The following CTNNA2 variants were observed in gnomAD, a reference collection of about 807,000 sequenced individuals.
CTNNA2 encodes catenin alpha 2, also known as catenin alpha-2.
A neutral mutation model predicts 101.0 loss-of-function variants in CTNNA2; 42 were observed. The ratio of observed to expected loss-of-function variants is 0.42; its 90% CI spans 0.32 to 0.54. CTNNA2 has a LOEUF of 0.54. Among genes scored for constraint, CTNNA2 ranks in the 20% least tolerant of loss-of-function variants. The probability of loss-of-function intolerance (pLI) is 0.14; values close to 1 mark genes in which losing one functional copy is unlikely to be tolerated. For missense variants in CTNNA2, 871 were observed against 1,223.1 expected, an observed-to-expected ratio of 0.71 and a Z score of 4.29; for synonymous variants, 450 against 456.4, an observed-to-expected ratio of 0.99 and a Z score of 0.18.
At chr2:80,149,028 T>C (rs867027443) in intron 7 of CTNNA2, among the ~76,000 whole-genome samples, 1,513 of 149,638 alleles carry the variant, frequency 0.01, 38 homozygotes, top group African/African-American at 0.034. Context: ...TTGTTATTTT[T>C]TTTTTTTTTT....
intron 2 of CTNNA2, among the ~76,000 whole-genome samples, chr2:79,274,578 A>T (rs893604004): frequency 6.6e-6 from 1 of 152,054 alleles, no homozygotes; most frequent in Non-Finnish European, 1.5e-5. Context: ...TCATTCAAGT[A>T]TTTTTTGAAA....
chr2:80,017,516 A>C (rs932950117), intron 7 of CTNNA2, among the ~76,000 whole-genome samples: 1 of 151,934 alleles, frequency 6.6e-6, no homozygotes. Context: ...ATATGTATAT[A>C]TGTAAATTTA....
At chr2:79,203,762 TG>T (rs1674066974) in intron 2 of CTNNA2, among the ~76,000 whole-genome samples, 1 of 152,254 alleles carries the variant, frequency 6.6e-6, no homozygotes, top group South Asian at 2.1e-4. Context: ...ATTATACTTT[TG>T]CCTTCATTAA....
chr2:79,984,498 C>T (rs1691623230), intron 7 of CTNNA2, among the ~76,000 whole-genome samples: 1 of 152,206 alleles, frequency 6.6e-6, no homozygotes, highest in Non-Finnish European at 1.5e-5. Context: ...TCATCTCCTA[C>T]ATCCTGTCAA....
At chr2:80,043,203 TCTC>T (rs1283225354) in intron 7 of CTNNA2, among the ~76,000 whole-genome samples, 1 of 102,106 alleles carries the variant, frequency 9.8e-6, no homozygotes, top group Non-Finnish European at 2.0e-5. Context: ...TCTTTCTCTC[TCTC>T]TTTTTTTTTT....
At chr2:79,971,374 A>G (rs489864) in intron 7 of CTNNA2, among the ~76,000 whole-genome samples, 132,404 of 152,096 alleles carry the variant, frequency 0.87, 58,145 homozygotes, top group Non-Finnish European at 0.93. Context: ...TTTCATATAT[A>G]CATCTCATTT....
intron 7 of CTNNA2, among the ~76,000 whole-genome samples, chr2:80,263,547 G>C (rs1672775360): frequency 6.6e-6 from 1 of 152,132 alleles, no homozygotes; most frequent in African/African-American, 2.4e-5. Flanking sequence ...TGTTGGCCCA[G>C]CTGTTGTCGA....
chr2:79,947,111 C>T (rs761772969), intron 7 of CTNNA2, among the ~76,000 whole-genome samples: 2 of 152,130 alleles, frequency 1.3e-5, no homozygotes, highest in African/African-American at 2.4e-5. Context: ...CACTTTAAAT[C>T]CTACATAAGA....
chr2:79,366,110 G>C (rs150747786), intron 3 of CTNNA2, among the ~76,000 whole-genome samples: 579 of 152,292 alleles, frequency 3.8e-3, no homozygotes, highest in African/African-American at 0.013. Flanking sequence ...AAAGGCAAGA[G>C]ATCACACACA....
At chr2:79,662,259 A>G (rs1682088092) in intron 2 of CTNNA2, among the ~76,000 whole-genome samples, 1 of 152,094 alleles carries the variant, frequency 6.6e-6, no homozygotes, top group Admixed American at 6.5e-5. Flanking sequence ...GCATATGAAT[A>G]TGCACTCTTC....
intron 4 of CTNNA2, among the ~76,000 whole-genome samples, chr2:79,394,346 T>C (rs1308178412): frequency 2.0e-5 from 3 of 152,174 alleles, no homozygotes; most frequent in African/African-American, 7.2e-5. Context: ...CTGTGAACTT[T>C]TGTGGACTAG....
intron 3 of CTNNA2, among the ~76,000 whole-genome samples, chr2:79,838,539 T>C (rs1400987488): frequency 6.6e-6 from 1 of 152,158 alleles, no homozygotes; most frequent in African/African-American, 2.4e-5. Flanking sequence ...GGTTTTGATC[T>C]AACATAAGAA....
At chr2:79,690,398 G>A (rs1214087103) in intron 2 of CTNNA2, among the ~76,000 whole-genome samples, 3 of 151,976 alleles carry the variant, frequency 2.0e-5, no homozygotes, top group Non-Finnish European at 2.9e-5. Flanking sequence ...ACCTTAGAAT[G>A]TGTCACCAGT....
At chr2:79,338,795 G>A (rs892265965) in intron 3 of CTNNA2, among the ~76,000 whole-genome samples, 1 of 151,958 alleles carries the variant, frequency 6.6e-6, no homozygotes, top group Non-Finnish European at 1.5e-5. Flanking sequence ...AAAATATCTG[G>A]GAGTGGTAAA....
intron 7 of CTNNA2, among the ~76,000 whole-genome samples, chr2:79,926,609 T>C (rs1471784151): frequency 1.3e-5 from 2 of 151,976 alleles, no homozygotes; most frequent in African/African-American, 2.4e-5. Flanking sequence ...ATTAATGAAC[T>C]TGAGGATAAG....
At chr2:80,216,075 A>C (rs980564640) in intron 7 of CTNNA2, among the ~76,000 whole-genome samples, 2 of 152,194 alleles carry the variant, frequency 1.3e-5, no homozygotes, top group African/African-American at 4.8e-5. Flanking sequence ...CATGGGATAT[A>C]ATCTCCTGGT....
chr2:79,781,001 A>C (rs1225709442), intron 3 of CTNNA2, among the ~76,000 whole-genome samples: 1 of 152,222 alleles, frequency 6.6e-6, no homozygotes, highest in Non-Finnish European at 1.5e-5. Flanking sequence ...CTTGGATCTC[A>C]TGCAAGAAAG....
intron 3 of CTNNA2, among the ~76,000 whole-genome samples, chr2:79,855,373 C>T (rs1486357443): frequency 1.3e-5 from 2 of 152,108 alleles, no homozygotes; most frequent in Admixed American, 6.5e-5. Context: ...GTAGTGCTGA[C>T]CAGATGGTTG....
At chr2:79,600,178 A>T (rs1677458901) in intron 1 of CTNNA2, among the ~76,000 whole-genome samples, 1 of 150,310 alleles carries the variant, frequency 6.7e-6, no homozygotes, top group South Asian at 2.1e-4. Context: ...CCCCTTAGTT[A>T]TTTTATTTTA....
Sources: allele counts gnomAD v4.1 joint callset (sites outside exome capture counted in the v4.1 genomes callset), GRCh38; gene constraint gnomAD v4.1.1; transcripts MANE v1.5; gene names NCBI Gene and HGNC (gene_info 2026-07-23, HGNC 2026-07-21).